The following HHAT variants were observed in gnomAD, a reference collection of about 807,000 sequenced individuals.
The protein encoded by HHAT is hedgehog acyltransferase, also known as protein-cysteine N-palmitoyltransferase HHAT.
A neutral mutation model predicts 70.8 loss-of-function variants in HHAT; 47 were observed. That is an observed-to-expected ratio of 0.66 (90% confidence interval 0.53 to 0.85). HHAT has a LOEUF of 0.85. Ranked by LOEUF, HHAT falls within the 40% of genes least tolerant of loss-of-function variation. The pLI, the probability that HHAT is intolerant of heterozygous loss-of-function variation, is 0.00. For synonymous variants in HHAT, 228 were observed against 247.6 expected (o/e 0.92, Z 0.74); for missense variants, 609 against 604.8 (o/e 1.01, Z -0.07).
At chr1:210,535,573 G>A (rs557285445) in intron 9 of HHAT, among the ~76,000 whole-genome samples, 15 of 152,160 alleles carry the variant, frequency 9.9e-5, no homozygotes, top group Admixed American at 8.5e-4. Flanking sequence ...TCCGCTTGGT[G>A]TGCAAACAGC....
At chr1:210,610,206 T>C (rs1666303715) in intron 10 of HHAT, among the ~76,000 whole-genome samples, 1 of 152,224 alleles carries the variant, frequency 6.6e-6, no homozygotes, top group African/African-American at 2.4e-5. Context: ...TTTTTTATAA[T>C]TGCCATTCTG....
chr1:210,366,309 G>T (rs1337628035), intron 3 of HHAT, among the ~76,000 whole-genome samples: 1 of 152,074 alleles, frequency 6.6e-6, no homozygotes, highest in Non-Finnish European at 1.5e-5. Flanking sequence ...GTAGATGCTA[G>T]CAGCATTTCC....
chr1:210,530,498 TG>T (rs1279492565), intron 9 of HHAT, among the ~76,000 whole-genome samples: 1 of 151,968 alleles, frequency 6.6e-6, no homozygotes, highest in South Asian at 2.1e-4. Flanking sequence ...ATGAGAAAAA[TG>T]GGTGACAGTA....
At chr1:210,532,716 T>G (rs2095327772) in intron 9 of HHAT, among the ~76,000 whole-genome samples, 1 of 152,146 alleles carries the variant, frequency 6.6e-6, no homozygotes, top group Non-Finnish European at 1.5e-5. Context: ...TTAAGGCCAG[T>G]GATGAGATAG....
chr1:210,439,484 T>C lies in HHAT; in HGVS notation c.856+21159T>C, dbSNP rs939116718. On this transcript the variant is annotated intron_variant, in intron 7 of 11. Coordinates refer to ENST00000261458, the MANE Select transcript of HHAT (RefSeq NM_018194.6). ...TGTGGAATCCTGACTTGCTGGTAAGTGTGCTCATATTGATCATTCCACCCC... is the reference window on the plus strand; with the variant it reads ...TGTGGAATCCTGACTTGCTGGTAAGCGTGCTCATATTGATCATTCCACCCC... The C allele has an allele frequency of 7.9e-5, 12 of 151,786 alleles. 1 individual carries two copies. The highest frequency in any genetic ancestry group is 2.7e-4 in the African/African-American group (11 of 41,084). The allele number at this position is 151,786 out of a possible 1,614,324, so 9.4% of individuals were successfully genotyped here.
intron 8 of HHAT, among the ~76,000 whole-genome samples, chr1:210,491,714 C>G (rs1476575588): frequency 6.6e-6 from 1 of 152,128 alleles, no homozygotes; most frequent in Admixed American, 6.6e-5. Context: ...CAGAGCTCTT[C>G]CCTACCGGCA....
At chr1:210,408,863 G>A (rs927886448) in intron 6 of HHAT, among the ~76,000 whole-genome samples, 3 of 152,120 alleles carry the variant, frequency 2.0e-5, no homozygotes, top group Non-Finnish European at 2.9e-5. Context: ...GGCTTTATAC[G>A]TTCTAACTTA....
intron 8 of HHAT, among the ~76,000 whole-genome samples, chr1:210,481,119 G>C (rs1047886865): frequency 6.6e-6 from 1 of 151,766 alleles, no homozygotes; most frequent in Admixed American, 6.6e-5. Flanking sequence ...CAAAAATAGA[G>C]CAGGATGAGG....
chr1:210,580,390 G>A (rs1338581761), intron 9 of HHAT, among the ~76,000 whole-genome samples: 2 of 59,732 alleles, frequency 3.3e-5, no homozygotes, highest in Non-Finnish European at 8.5e-5. Flanking sequence ...AAAAAAAAAG[G>A]GGGGATACGT....
In HHAT at chr1:210,621,716, C is replaced by T. The variant is rs1241581454; in HGVS notation, c.1246-1810C>T. Among the ~76,000 whole-genome samples, 3 of 152,284 alleles carry T rather than the reference C, an allele frequency of 2.0e-5. No homozygotes were observed. The East Asian group carries it at 5.8e-4, about 29-fold the overall frequency. On this transcript the variant is annotated intron_variant, in intron 10 of 11. Coordinates refer to ENST00000261458, the MANE Select transcript of HHAT (RefSeq NM_018194.6). ...TCTTGTCTGACAGTGTCCTCTTGTA[C>T]GTGCCTGTGGCCTCCTAGAGCAGGG...
intron 1 of HHAT, among the ~76,000 whole-genome samples, chr1:210,334,352 C>T (rs1246424348): frequency 2.7e-5 from 4 of 150,886 alleles, no homozygotes; most frequent in Non-Finnish European, 5.9e-5. Context: ...GAAGGGATTT[C>T]GCCATGTCGC....
intron 11 of HHAT, among the ~76,000 whole-genome samples, chr1:210,646,106 T>A (rs1674007013): frequency 6.6e-6 from 1 of 152,228 alleles, no homozygotes; most frequent in African/African-American, 2.4e-5. Context: ...CTGTGTTTGC[T>A]TTTTTGAGTA....
intron 10 of HHAT, among the ~76,000 whole-genome samples, chr1:210,591,893 C>T (rs550777360): frequency 6.0e-4 from 91 of 152,016 alleles, no homozygotes; most frequent in African/African-American, 2.0e-3. Context: ...GTTTTTTCCC[C>T]GTAGAGTTGT....
intron 1 of HHAT, among the ~76,000 whole-genome samples, chr1:210,331,297 G>T (rs1383101668): frequency 6.6e-6 from 1 of 152,046 alleles, no homozygotes; most frequent in Non-Finnish European, 1.5e-5. Flanking sequence ...GTTTGCTTAT[G>T]TCCAGCCTAC....
intron 9 of HHAT, among the ~76,000 whole-genome samples, chr1:210,523,600 T>TTGTGTG (rs60537364): frequency 8.4e-4 from 127 of 151,592 alleles, no homozygotes; most frequent in African/African-American, 2.2e-3. Flanking sequence ...TAAATATAGC[T>TTGTGTG]TGTGTGTGTG....
intron 11 of HHAT, among the ~76,000 whole-genome samples, chr1:210,633,871 T>G (rs1671354113): frequency 6.6e-6 from 1 of 152,150 alleles, no homozygotes; most frequent in Non-Finnish European, 1.5e-5. Flanking sequence ...CCTTTTGTTC[T>G]CCTCTGGCTA....
intron 11 of HHAT, among the ~76,000 whole-genome samples, chr1:210,651,562 G>A (rs921478843): frequency 3.9e-5 from 6 of 152,246 alleles, no homozygotes; most frequent in Admixed American, 2.0e-4. Flanking sequence ...CAGAGCAGGG[G>A]GACTGCGCAG....
At chr1:210,604,026 G>T (rs1664831280) in intron 10 of HHAT, among the ~76,000 whole-genome samples, 3 of 152,170 alleles carry the variant, frequency 2.0e-5, no homozygotes, top group South Asian at 4.1e-4. Context: ...TAATATAAAA[G>T]GTGAAGTTCA....
At chr1:210,613,071 T>C (rs1666920042) in intron 10 of HHAT, among the ~76,000 whole-genome samples, 1 of 152,134 alleles carries the variant, frequency 6.6e-6, no homozygotes, top group Non-Finnish European at 1.5e-5. Flanking sequence ...GTTGTCTTTT[T>C]ACTCTGTTAA....
Sources: allele counts gnomAD v4.1 joint callset (sites outside exome capture counted in the v4.1 genomes callset), GRCh38; gene constraint gnomAD v4.1.1; transcripts MANE v1.5; gene names NCBI Gene and HGNC (gene_info 2026-07-23, HGNC 2026-07-21).